Variants in MKNK2 observed in about 807,000 individuals in gnomAD.
MKNK2 encodes MAP kinase-interacting serine/threonine-protein kinase 2.
MKNK2 carries 54 observed loss-of-function variants against 55.0 expected under a neutral mutation model. That is an observed-to-expected ratio of 0.98 (90% confidence interval 0.79 to 1.23). The LOEUF is 1.23. Among genes scored for constraint, MKNK2 ranks in the 50% most tolerant of loss-of-function variants. The pLI is 0.00. For missense variants in MKNK2, 685 were observed against 632.1 expected, an observed-to-expected ratio of 1.08 and a Z score of -0.90; for synonymous variants, 323 against 256.0, an observed-to-expected ratio of 1.26 and a Z score of -2.50.
intron 5 of MKNK2, among the ~76,000 whole-genome samples, chr19:2,045,565 C>T (rs1352174102): frequency 6.6e-6 from 1 of 152,150 alleles, no homozygotes; most frequent in African/African-American, 2.4e-5. Flanking sequence ...TGGCCGTCCA[C>T]CAGGACCCAC....
Position 2,050,896 on chromosome 19 carries a change from G to A in MKNK2, c.-45C>T. 9 of 1,463,224 alleles carry A rather than the reference G, an allele frequency of 6.2e-6. No individual in the cohort carries two copies. The highest frequency in any genetic ancestry group is 8.2e-6 in the Non-Finnish European group (9 of 1,097,150). The allele number at this position is 1,463,224 out of a possible 1,614,324, so 90.6% of individuals were successfully genotyped here. On this transcript the variant is annotated 5_prime_UTR_variant, in exon 2 of 14. Coordinates refer to ENST00000250896, the MANE Select transcript of MKNK2 (RefSeq NM_199054.3). The stretch of plus-strand genomic sequence containing the variant: ...AGCGGGGGAGGGGACCGAGGGCCCG[G>A]GGGGAGGCCCGAGGGCGGGCGGCCG...
intron 2 of MKNK2, 114 bp downstream of exon 2, chr19:2,050,687 C>T (rs2017095961): frequency 1.0e-6 from 1 of 1,004,296 alleles, no homozygotes; most frequent in Non-Finnish European, 1.4e-6. Flanking sequence ...GGGTGTAGGG[C>T]GGGGGCCAGG....
intron 5 of MKNK2, among the ~76,000 whole-genome samples, chr19:2,045,790 C>G (rs1194832236): frequency 6.6e-6 from 1 of 152,254 alleles, no homozygotes; most frequent in Admixed American, 6.5e-5. Context: ...TCGGCCACAC[C>G]CTGGGTCCAG....
In MKNK2 at chr19:2,039,383, G is replaced by C; in HGVS notation, c.*230C>G. 5.0e-6 allele frequency: 7 copies of C among 1,391,136 alleles called. No individual in the cohort carries two copies. Among genetic ancestry groups the C allele is most frequent in the Non-Finnish European group, 2.8e-6 (3 of 1,074,422 alleles). The allele number at this position is 1,391,136 out of a possible 1,614,324, so 86.2% of individuals were successfully genotyped here. ...CCTCTGCTCACCTTCCCGGGTGCCTGCAATGCTTTTAACCATCCAAAGGAA... is the reference window on the plus strand; with the variant it reads ...CCTCTGCTCACCTTCCCGGGTGCCTCCAATGCTTTTAACCATCCAAAGGAA... On this transcript the variant is annotated 3_prime_UTR_variant, in exon 14 of 14. Transcript: ENST00000250896.
Position 2,046,590 on chromosome 19 carries a change from C to T in MKNK2, c.139+14G>A, listed in dbSNP as rs747356148. On this transcript the variant is annotated intron_variant, in intron 3 of 13. Coordinates refer to ENST00000250896, the MANE Select transcript of MKNK2 (RefSeq NM_199054.3). ...GCAGCTGCCCTGTGCCCTCCTCCCCCTCGGGCCCCTCACCAGGGCGGGCTG... is the reference window on the plus strand; with the variant it reads ...GCAGCTGCCCTGTGCCCTCCTCCCCTTCGGGCCCCTCACCAGGGCGGGCTG... The T allele has an allele frequency of 9.6e-6, 15 of 1,560,312 alleles. No homozygotes were observed. The highest frequency in any genetic ancestry group is 1.3e-5 in the Non-Finnish European group (15 of 1,153,082).
chr19:2,043,162 T>A lies in MKNK2; in HGVS notation c.455A>T (p.Glu152Val). 3 of 1,612,110 alleles carry A rather than the reference T, an allele frequency of 1.9e-6. No individual in the cohort carries two copies. The highest frequency in any genetic ancestry group is 2.5e-6 in the Non-Finnish European group (3 of 1,178,928). ...CTCAAACACCAGGTAGAAGCGGTCC[T>A]CCTCCTCGAAGAACTCAATCAGCTC... ...VLELIEFFEE[E>V]DRFYLVFEKM... Residue 152 changes from glutamate (E) to valine (V), a missense_variant, in exon 7 of 14, where the codon GAG becomes GTG. Physicochemically the swap from Glu to Val is moderately radical, Grantham distance 121. Coordinates refer to ENST00000250896, the MANE Select transcript of MKNK2 (RefSeq NM_199054.3).
chr19:2,042,268 C>A (rs1349529141), intron 10 of MKNK2, 159 bp downstream of exon 10: 18 of 777,664 alleles, frequency 2.3e-5, no homozygotes, highest in Non-Finnish European at 3.4e-5. Flanking sequence ...GGCGCCTGCT[C>A]GAGGCCCCGC....
chr19:2,047,741 TC>T (rs1405273096), intron 2 of MKNK2, among the ~76,000 whole-genome samples: 1 of 151,850 alleles, frequency 6.6e-6, no homozygotes, highest in Non-Finnish European at 1.5e-5. Flanking sequence ...CCTAAGCTGC[TC>T]CCCTCCCTTT....
Position 2,039,663 on chromosome 19 carries a change from T to C in MKNK2, c.1348A>G (p.Arg450Gly), listed in dbSNP as rs746795689. The C allele has an allele frequency of 3.1e-6, 5 of 1,612,830 alleles. No homozygotes were observed. Among genetic ancestry groups the C allele is most frequent in the Non-Finnish European group, 3.4e-6 (4 of 1,179,856 alleles). The change falls in exon 14 of 14, where the codon AGG becomes GGG. Residue 450 changes from arginine (R) to glycine (G), a missense_variant. Arg to Gly is a moderately radical substitution (Grantham distance 125). Coordinates refer to ENST00000250896, the MANE Select transcript of MKNK2 (RefSeq NM_199054.3). The stretch of plus-strand genomic sequence containing the variant: ...ACTGGGGCCGAGGACAGACTGGCCC[T>C]TTGCCGCCGCTGCGCCAGCTTGGAC... ...SQSKLAQRRQ[R>G]ASLSSAPVVL...
chr19:2,042,112 C>A (rs1321060282), intron 10 of MKNK2, 78 bp from the exon 11 acceptor site: 2 of 1,321,726 alleles, frequency 1.5e-6, no homozygotes, highest in East Asian at 3.0e-5. Context: ...CTGCGGGTCA[C>A]CTGCGCCAGC....
At position 2,037,724 on chromosome 19, in the gene MKNK2, G is replaced by A; in HGVS notation, c.*1889C>T. 6.4e-7 allele frequency: 1 copy of A among 1,563,792 alleles called. No individual in the cohort carries two copies. The highest frequency in any genetic ancestry group is 2.3e-5 in the East Asian group (1 of 43,962). ...CGATGGGAGCTGGCCTGGGGCCCAGGGTCCTCCAGGATCTTCACTCATTCA... is the reference window on the plus strand; with the variant it reads ...CGATGGGAGCTGGCCTGGGGCCCAGAGTCCTCCAGGATCTTCACTCATTCA... On this transcript the variant is annotated 3_prime_UTR_variant, in exon 14 of 14. Coordinates refer to ENST00000250896, the MANE Select transcript of MKNK2 (RefSeq NM_199054.3).
rs749159900 is a variant in MKNK2, at chr19:2,037,835, GAAAA to G, written c.*1774_*1777del. Reference sequence around the variant, plus strand: ...GGAGGAAGTGACTGTCCCACCTTCAGAAAAAAAAAAAAAAACAAACAAACAAACG... The same window carrying G: ...GGAGGAAGTGACTGTCCCACCTTCAGAAAAAAAAAAACAAACAAACAAACG... On this transcript the variant is annotated 3_prime_UTR_variant, in exon 14 of 14. Coordinates refer to ENST00000250896, the MANE Select transcript of MKNK2 (RefSeq NM_199054.3). 6,121 of 1,282,158 alleles carry G rather than the reference GAAAA, an allele frequency of 4.8e-3. 84 individuals carry two copies. The African/African-American group carries it at 0.069, about 14-fold the overall frequency. 79.4% of individuals were successfully genotyped at this position (1,282,158 alleles called of 1,614,324 possible). A position where few individuals can be genotyped will look rare whatever the true frequency, so the allele number is the denominator to read the frequency against.
At chr19:2,043,077 A>C in intron 7 of MKNK2, 47 bp downstream of exon 7, 1 of 1,533,674 alleles carries the variant, frequency 6.5e-7, no homozygotes, top group Non-Finnish European at 9.0e-7. Flanking sequence ...CCATCCCGTA[A>C]TACCTCCCAG....
Position 2,042,876 on chromosome 19 carries a change from C to A in MKNK2, c.494-6G>T. The A allele has an allele frequency of 6.4e-7, 1 of 1,556,214 alleles. No individual in the cohort carries two copies. Among genetic ancestry groups the A allele is most frequent in the Non-Finnish European group, 8.7e-7 (1 of 1,149,904 alleles). The stretch of plus-strand genomic sequence containing the variant: ...GATGTGGCTCAGGATGGAGCCTGGG[C>A]AGGGCAGGGCAGGGCAGGACAGGGG... On this transcript the variant is annotated splice_polypyrimidine_tract_variant and splice_region_variant and intron_variant, in intron 7 of 13. Coordinates refer to ENST00000250896, the MANE Select transcript of MKNK2 (RefSeq NM_199054.3).
In MKNK2 at chr19:2,049,087, T is replaced by C. The variant is rs562558798; in HGVS notation, c.51+1714A>G. ...GCCCTGTCTGGCCACCGTTCCCCTG[T>C]GCCAGCCACAGCCTCCAACTCAGCA... On this transcript the variant is annotated intron_variant, in intron 2 of 13. Transcript: ENST00000250896. 1.5e-3 allele frequency among the ~76,000 whole-genome samples: 221 copies of C among 152,238 alleles called. 1 individual carries two copies. Among genetic ancestry groups the C allele is most frequent in the Non-Finnish European group, 2.6e-3 (174 of 67,996 alleles).
In MKNK2 at chr19:2,038,415, A is replaced by G; in HGVS notation, c.*1198T>C. 1 of 985,458 alleles carries G rather than the reference A, an allele frequency of 1.0e-6. No individual in the cohort carries two copies. Among genetic ancestry groups the G allele is most frequent in the Non-Finnish European group, 1.2e-6 (1 of 829,896 alleles). The allele number at this position is 985,458 out of a possible 1,614,324, so 61.0% of individuals were successfully genotyped here. A position where few individuals can be genotyped will look rare whatever the true frequency, so the allele number is the denominator to read the frequency against. On this transcript the variant is annotated 3_prime_UTR_variant, in exon 14 of 14. Transcript: ENST00000250896. ...TAAAGTGGAACCCTGTATTGCATAG[A>G]ACGTCCCCACCCGCGGGGAGGGGGC... is the stretch of plus-strand genomic sequence containing the variant.
Position 2,037,786 on chromosome 19 carries a change from G to A in MKNK2, c.*1827C>T, listed in dbSNP as rs749079374. 4 of 1,607,918 alleles carry A rather than the reference G, an allele frequency of 2.5e-6. No homozygotes were observed. The highest frequency in any genetic ancestry group is 2.2e-5 in the East Asian group (1 of 44,824). ...CTGACCAGTCCTCCAGGTCGCACGT[G>A]GATGCGACAGGGGTGGGGAGGGAGG... On this transcript the variant is annotated 3_prime_UTR_variant, in exon 14 of 14. Coordinates refer to ENST00000250896, the MANE Select transcript of MKNK2 (RefSeq NM_199054.3).
chr19:2,044,920 A>C (rs530290489), intron 5 of MKNK2, among the ~76,000 whole-genome samples: 1 of 152,304 alleles, frequency 6.6e-6, no homozygotes, highest in Admixed American at 6.5e-5. Context: ...TCCAGCCAGC[A>C]GCCTCACGGC....
chr19:2,050,270 C>T (rs935114760), intron 2 of MKNK2, among the ~76,000 whole-genome samples: 1 of 152,250 alleles, frequency 6.6e-6, no homozygotes, highest in South Asian at 2.1e-4. Flanking sequence ...TCCCCTCCCC[C>T]ACGGCACAGG....
Sources: gnomAD v4.1 joint callset for allele counts (sites outside exome capture counted in the v4.1 genomes callset) on GRCh38, gnomAD v4.1.1 for gene constraint, MANE v1.5 for transcripts, NCBI Gene and HGNC (gene_info 2026-07-23, HGNC 2026-07-21) for gene names.